Variants in PCDHGA11 observed in about 807,000 individuals in gnomAD.
PCDHGA11 encodes the protein protocadherin gamma-A11.
PCDHGA11 carries 39 observed loss-of-function variants against 60.4 expected under a neutral mutation model. That is an observed-to-expected ratio of 0.65 (90% confidence interval 0.50 to 0.84). PCDHGA11 has a LOEUF of 0.84. PCDHGA11 is among the 40% of genes least tolerant of loss of function. PCDHGA11 has a pLI of 0.00. For synonymous variants in PCDHGA11, 533 were observed against 510.3 expected (o/e 1.04, Z -0.60); for missense variants, 1,165 against 1,197.7 (o/e 0.97, Z 0.40).
Position 141,485,804 on chromosome 5 carries a change from G to A in PCDHGA11, c.2434-9003G>A. 6.2e-7 allele frequency: 1 copy of A among 1,614,218 alleles called. No individual in the cohort carries two copies. On this transcript the variant is annotated intron_variant, in intron 1 of 3. Coordinates refer to ENST00000398587, the MANE Select transcript of PCDHGA11 (RefSeq NM_018914.3). This position sits in a 1 kb window ranked among gnomAD's most constrained non-coding sequence, Gnocchi z 5.7. The stretch of plus-strand genomic sequence containing the variant: ...AGAGAAGCAATCGGACTACCGCCTG[G>A]TGCTGACTGCTGTCGATGGAGGGAA...
Position 141,485,992 on chromosome 5 carries a change from C to T in PCDHGA11, c.2434-8815C>T. The T allele has an allele frequency of 6.2e-7, 1 of 1,614,156 alleles. No individual in the cohort carries two copies. The highest frequency in any genetic ancestry group is 2.2e-5 in the East Asian group (1 of 44,870). On this transcript the variant is annotated intron_variant, in intron 1 of 3. Coordinates refer to ENST00000398587, the MANE Select transcript of PCDHGA11 (RefSeq NM_018914.3). The surrounding 1 kb of genome is among the most constrained non-coding windows in gnomAD (Gnocchi z 5.7). ...ATGCCTCAGACCCGGACCTGGGTCC[C>T]AGTGGTAACGTCACCTTTTATTTCA...
chr5:141,423,265 G>C lies in PCDHGA11; in HGVS notation c.2038G>C (p.Glu680Gln). 1 of 1,613,666 alleles carries C rather than the reference G, an allele frequency of 6.2e-7. No homozygotes were observed. Among genetic ancestry groups the C allele is most frequent in the Non-Finnish European group, 8.5e-7 (1 of 1,179,992 alleles). ...PEVLADLGSL[E>Q]SLANSETSDL... ...AGTCCTGGCGGACCTCGGCAGCCTC[G>C]AGTCTCTGGCTAACTCTGAAACCTC... Residue 680 changes from glutamate to glutamine, a missense_variant, in exon 1 of 4, where the codon GAG (glutamate) becomes CAG (glutamine). Physicochemically the swap from Glu to Gln is conservative, Grantham distance 29. Transcript: ENST00000398587.
chr5:141,432,997 G>A lies in PCDHGA11; in HGVS notation c.2433+9337G>A, dbSNP rs778828769. ...CGCACTTTGTGGGCGTGGACGGGGT[G>A]CAGGCTTTCCTGCAGACCTATTCCC... is the stretch of plus-strand genomic sequence containing the variant. On this transcript the variant is annotated intron_variant, in intron 1 of 3. Coordinates refer to ENST00000398587, the MANE Select transcript of PCDHGA11 (RefSeq NM_018914.3). This position sits in a 1 kb window ranked among gnomAD's most constrained non-coding sequence, Gnocchi z 6.0. 5 of 1,614,082 alleles carry A rather than the reference G, an allele frequency of 3.1e-6. No homozygotes were observed. In the Admixed American group the frequency reaches 8.3e-5, roughly 27 times the overall value.
In PCDHGA11 at chr5:141,477,532, C is replaced by T. The variant is rs754570150; in HGVS notation, c.2434-17275C>T. On this transcript the variant is annotated intron_variant, in intron 1 of 3. Transcript: ENST00000398587. This position sits in a 1 kb window ranked among gnomAD's most constrained non-coding sequence, Gnocchi z 4.9. ...TTTACATTGAAGAAAACAACCTCCC[C>T]GGGGCTCCAATACTAAACCTAAGTG... 2.5e-6 allele frequency: 4 copies of T among 1,614,028 alleles called. No individual in the cohort carries two copies. Among genetic ancestry groups the T allele is most frequent in the Admixed American group, 1.7e-5 (1 of 60,000 alleles).
intron 1 of PCDHGA11, among the ~76,000 whole-genome samples, chr5:141,467,211 C>G (rs1288732759): frequency 6.6e-6 from 1 of 152,068 alleles, no homozygotes; most frequent in Non-Finnish European, 1.5e-5. Context: ...TGCCACCATG[C>G]CTGGCTAATT....
chr5:141,476,523 C>G lies in PCDHGA11; in HGVS notation c.2434-18284C>G. On this transcript the variant is annotated intron_variant, in intron 1 of 3. Transcript: ENST00000398587. This position sits in a 1 kb window ranked among gnomAD's most constrained non-coding sequence, Gnocchi z 7.6. ...ATCAACGACAACAATCCTGCTTTCC[C>G]TACCCAGGAAATGAAATTGGAGATT... is the stretch of plus-strand genomic sequence containing the variant. 1 of 1,614,218 alleles carries G rather than the reference C, an allele frequency of 6.2e-7. No individual in the cohort carries two copies.
At chr5:141,452,538 G>T (rs1330051133) in intron 1 of PCDHGA11, among the ~76,000 whole-genome samples, 1 of 152,148 alleles carries the variant, frequency 6.6e-6, no homozygotes, top group Non-Finnish European at 1.5e-5. Flanking sequence ...AGTTCATATT[G>T]ATACCTCCAG....
At chr5:141,475,315 A>G (rs766425496) in intron 1 of PCDHGA11, among the ~76,000 whole-genome samples, 2 of 152,182 alleles carry the variant, frequency 1.3e-5, no homozygotes, top group Non-Finnish European at 2.9e-5. Flanking sequence ...CCTGGTTCTT[A>G]AGAAATGAGA....
intron 1 of PCDHGA11, among the ~76,000 whole-genome samples, chr5:141,458,513 G>GTT (rs537551567): frequency 7.5e-5 from 11 of 146,196 alleles, no homozygotes; most frequent in African/African-American, 2.2e-4. Flanking sequence ...TTGACACTTT[G>GTT]TTTTTTTTTT....
chr5:141,470,742 G>T (rs2099238719), intron 1 of PCDHGA11, among the ~76,000 whole-genome samples: 1 of 152,066 alleles, frequency 6.6e-6, no homozygotes, highest in African/African-American at 2.4e-5. Flanking sequence ...CTGTCGCCCT[G>T]GCTGGAGTGC....
chr5:141,470,022 G>A (rs892106953), intron 1 of PCDHGA11, among the ~76,000 whole-genome samples: 2 of 152,188 alleles, frequency 1.3e-5, no homozygotes, highest in African/African-American at 2.4e-5. Context: ...CCAGCTACTC[G>A]GGATGCTGAG....
intron 1 of PCDHGA11, among the ~76,000 whole-genome samples, chr5:141,453,049 G>C (rs1287375098): frequency 1.3e-5 from 2 of 152,222 alleles, no homozygotes; most frequent in East Asian, 3.9e-4. Context: ...TCTATTATGT[G>C]CAGTTTTAGA....
chr5:141,427,483 A>G lies in PCDHGA11; in HGVS notation c.2433+3823A>G, dbSNP rs759092057. The G allele has an allele frequency of 1.5e-4, 79 of 535,350 alleles. 2 individuals carry two copies. The highest frequency in any genetic ancestry group is 1.1e-3 in the South Asian group (73 of 65,268). 33.2% of individuals were successfully genotyped at this position (535,350 alleles called of 1,614,324 possible). ...ATCGAATCTTCCGCCAATAATGACT[A>G]TAAGCTTGTAACAGATGGGACCCTG... On this transcript the variant is annotated intron_variant, in intron 1 of 3. Coordinates refer to ENST00000398587, the MANE Select transcript of PCDHGA11 (RefSeq NM_018914.3).
At chr5:141,428,021 C>G (rs1185050109) in intron 1 of PCDHGA11, 1 of 1,605,486 alleles carries the variant, frequency 6.2e-7, no homozygotes, top group Admixed American at 1.7e-5. Flanking sequence ...TGCCACGCGC[C>G]GCAGAGTCCG....
At chr5:141,458,386 G>A (rs1037969327) in intron 1 of PCDHGA11, among the ~76,000 whole-genome samples, 3 of 152,188 alleles carry the variant, frequency 2.0e-5, no homozygotes, top group African/African-American at 4.8e-5. Context: ...GAAGGAAGAC[G>A]CTCCCCCTTG....
Position 141,476,468 on chromosome 5 carries a change from C to T in PCDHGA11, c.2434-18339C>T. 6.2e-7 allele frequency: 1 copy of T among 1,614,132 alleles called. No homozygotes were observed. Among genetic ancestry groups the T allele is most frequent in the Non-Finnish European group, 8.5e-7 (1 of 1,180,022 alleles). On this transcript the variant is annotated intron_variant, in intron 1 of 3. Coordinates refer to ENST00000398587, the MANE Select transcript of PCDHGA11 (RefSeq NM_018914.3). The surrounding 1 kb of genome is among the most constrained non-coding windows in gnomAD (Gnocchi z 7.6). ...GTTGGTAGTGGAGAACCCGCTGGAG[C>T]TGTTCAGCGTGGAAGTGGTGATCCA...
chr5:141,483,401 A>G (rs1052240280), intron 1 of PCDHGA11, among the ~76,000 whole-genome samples: 2 of 152,202 alleles, frequency 1.3e-5, no homozygotes, highest in African/African-American at 4.8e-5. Context: ...TGCTTGAACC[A>G]GCACAGTGGC....
At chr5:141,449,101 G>T (rs1020443363) in intron 1 of PCDHGA11, among the ~76,000 whole-genome samples, 3 of 152,144 alleles carry the variant, frequency 2.0e-5, no homozygotes, top group Non-Finnish European at 4.4e-5. Flanking sequence ...TACATATGCA[G>T]TATATCTTTG....
intron 1 of PCDHGA11, among the ~76,000 whole-genome samples, chr5:141,443,781 C>CA (rs1227271563): frequency 8.6e-5 from 13 of 150,636 alleles, no homozygotes; most frequent in South Asian, 2.1e-4. Flanking sequence ...ACCAAAAAGA[C>CA]AAAAAAAATG....
Sources: allele counts gnomAD v4.1 joint callset (sites outside exome capture counted in the v4.1 genomes callset), GRCh38; gene constraint gnomAD v4.1.1; non-coding constraint Gnocchi (gnomAD v3.1); transcripts MANE v1.5; gene names NCBI Gene and HGNC (gene_info 2026-07-23, HGNC 2026-07-21).